The following SYTL2 variants were observed in gnomAD, a reference collection of about 807,000 sequenced individuals.
SYTL2 encodes synaptotagmin-like protein 2.
Under a neutral mutation model 198.7 loss-of-function variants are expected in SYTL2, and 165 were observed. That is an observed-to-expected ratio of 0.83 (90% CI 0.73 to 0.94). SYTL2 has a LOEUF of 0.94. Among genes scored for constraint, SYTL2 ranks in the 40% least tolerant of loss-of-function variants. The pLI, the probability that SYTL2 is intolerant of heterozygous loss-of-function variation, is 0.00. For missense variants in SYTL2, 2,835 were observed against 2,582.8 expected (o/e 1.10, Z -2.12); for synonymous variants, 966 against 917.7 (o/e 1.05, Z -0.95).
At chr11:85,848,592 G>A in the SYTL2 span, among the ~76,000 whole-genome samples, 1 of 152,172 alleles carries the variant, frequency 6.6e-6, no homozygotes, top group South Asian at 2.1e-4. Flanking sequence ...TTTGTCTGAA[G>A]CAATTGATCC....
At chr11:85,736,079 G>A (rs990566186) in intron 6 of SYTL2, among the ~76,000 whole-genome samples, 1 of 152,222 alleles carries the variant, frequency 6.6e-6, no homozygotes, top group African/African-American at 2.4e-5. Context: ...CTTTTGGGCG[G>A]CTGGGCTGAG....
At chr11:85,782,186 C>T (rs529222941) in intron 1 of SYTL2, among the ~76,000 whole-genome samples, 1 of 152,356 alleles carries the variant, frequency 6.6e-6, no homozygotes, top group South Asian at 2.1e-4. Flanking sequence ...GACTTCTGTG[C>T]ACTGGTAGGC....
chr11:85,781,170 G>A (rs1411798106), intron 1 of SYTL2, among the ~76,000 whole-genome samples: 2 of 152,188 alleles, frequency 1.3e-5, no homozygotes, highest in African/African-American at 2.4e-5. Flanking sequence ...GGAGGCCTCA[G>A]GAAACTTACA....
intron 11 of SYTL2, 85 bp from the exon 12 acceptor site, chr11:85,714,592 A>T (rs1367120430): frequency 6.5e-7 from 1 of 1,528,514 alleles, no homozygotes; most frequent in African/African-American, 1.4e-5. Flanking sequence ...ACTTTTATTT[A>T]ATCTATGAAC....
the SYTL2 span, among the ~76,000 whole-genome samples, chr11:85,845,580 C>G: frequency 6.6e-6 from 1 of 151,688 alleles, no homozygotes; most frequent in Non-Finnish European, 1.5e-5. Flanking sequence ...CTGGGCAACA[C>G]AGAGAGACCT....
intron 7 of SYTL2, among the ~76,000 whole-genome samples, chr11:85,729,760 T>C (rs889170448): frequency 4.6e-5 from 7 of 151,806 alleles, no homozygotes; most frequent in East Asian, 3.9e-4. Context: ...CTGAAGGAGA[T>C]AGTGACACAA....
chr11:85,748,221 C>A, intron 3 of SYTL2, 51 bp downstream of exon 3: 1 of 1,584,436 alleles, frequency 6.3e-7, no homozygotes, highest in South Asian at 1.1e-5. Flanking sequence ...CTCCCCGCTC[C>A]TCCTTCCCAA....
the SYTL2 span, among the ~76,000 whole-genome samples, chr11:85,842,940 CAAAATACTTTTGGATG>C: frequency 1.3e-5 from 2 of 152,174 alleles, no homozygotes; most frequent in Non-Finnish European, 2.9e-5. Context: ...AAATATCATC[CAAAATACTTTTGGATG>C]AAAATTAATG....
At chr11:85,800,923 G>T (rs539130676) in intron 1 of SYTL2, among the ~76,000 whole-genome samples, 1 of 152,176 alleles carries the variant, frequency 6.6e-6, no homozygotes, top group Non-Finnish European at 1.5e-5. Flanking sequence ...CTCCCCAGTG[G>T]CTTTCCCCAA....
At chr11:85,698,545 C>CT (rs909929167) in intron 17 of SYTL2, among the ~76,000 whole-genome samples, 34 of 149,586 alleles carry the variant, frequency 2.3e-4, no homozygotes, top group South Asian at 4.2e-4. Context: ...AGTAGTTATA[C>CT]TTTTTTTTTT....
intron 1 of SYTL2, among the ~76,000 whole-genome samples, chr11:85,808,886 TAA>T (rs11311179): frequency 3.9e-3 from 580 of 147,352 alleles, no homozygotes; most frequent in African/African-American, 9.2e-3. Context: ...CCTCTTAATT[TAA>T]AAAAAAAAAA....
chr11:85,799,481 G>C (rs948762356), intron 1 of SYTL2, among the ~76,000 whole-genome samples: 9 of 152,138 alleles, frequency 5.9e-5, no homozygotes, highest in Non-Finnish European at 1.0e-4. Context: ...TAGAAACAGG[G>C]TTAGGAAGAG....
chr11:85,854,612 A>AAGAATTAGTGCACGAAAGT, the SYTL2 span: 1 of 152,220 alleles, frequency 6.6e-6, no homozygotes, highest in African/African-American at 2.4e-5. Context: ...GCTAAAACCA[A>AAGAATTAGTGCACGAAAGT]AGAATTAGTG....
At chr11:85,712,426 C>T (rs1392486734) in intron 12 of SYTL2, among the ~76,000 whole-genome samples, 2 of 152,116 alleles carry the variant, frequency 1.3e-5, no homozygotes, top group South Asian at 2.1e-4. Context: ...TGGTGTTTTA[C>T]ATGTAACTGG....
At chr11:85,747,490 C>T (rs1244860795) in intron 3 of SYTL2, among the ~76,000 whole-genome samples, 1 of 152,044 alleles carries the variant, frequency 6.6e-6, no homozygotes, top group Non-Finnish European at 1.5e-5. Flanking sequence ...AAAGATTTCC[C>T]CCCAAACCTT....
chr11:85,716,854 T>A lies in SYTL2; in HGVS notation c.5530+629A>T, dbSNP rs566353174. Among the ~76,000 whole-genome samples the A allele has an allele frequency of 7.9e-5, 12 of 152,254 alleles. No individual in the cohort carries two copies. In the South Asian group the frequency reaches 2.5e-3, roughly 32 times the overall value. On this transcript the variant is annotated intron_variant, in intron 11 of 19. Transcript: ENST00000359152. ...AACAGAAAAGATCGAACAAACATTATCTTTGCTTGATGATAGACATTAATT... is the reference window on the plus strand; with the variant it reads ...AACAGAAAAGATCGAACAAACATTAACTTTGCTTGATGATAGACATTAATT...
the SYTL2 span, among the ~76,000 whole-genome samples, chr11:85,846,289 AAC>A: frequency 4.6e-5 from 7 of 152,246 alleles, no homozygotes; most frequent in Non-Finnish European, 8.8e-5. Context: ...CCTCAGAAGT[AAC>A]ACAGAGTCAT....
At chr11:85,853,071 C>A in the SYTL2 span, 1 of 295,612 alleles carries the variant, frequency 3.4e-6, no homozygotes, top group Non-Finnish European at 6.6e-6. Context: ...GCCGCCTCCC[C>A]GTCCGGGAGG....
the SYTL2 span, among the ~76,000 whole-genome samples, chr11:85,832,763 G>A: frequency 6.8e-6 from 1 of 146,398 alleles, no homozygotes; most frequent in Non-Finnish European, 1.5e-5. Context: ...GGATGATGCA[G>A]TAAGAATTGT....
Sources: allele counts gnomAD v4.1 joint callset (sites outside exome capture counted in the v4.1 genomes callset), GRCh38; gene constraint gnomAD v4.1.1; transcripts MANE v1.5; gene names NCBI Gene and HGNC (gene_info 2026-07-23, HGNC 2026-07-21).